The following TEPSIN variants were observed in gnomAD, a reference collection of about 807,000 sequenced individuals.
TEPSIN encodes the protein TEPSIN adaptor related protein complex 4 accessory protein, also known as AP-4 complex accessory subunit tepsin.
Under a neutral mutation model 48.5 loss-of-function variants are expected in TEPSIN, and 50 were observed. The ratio of observed to expected loss-of-function variants is 1.03; its 90% CI spans 0.82 to 1.31. The LOEUF (loss-of-function observed/expected upper bound fraction) is 1.31. Among genes scored for constraint, TEPSIN ranks in the 50% most tolerant of loss-of-function variants. The pLI, the probability that TEPSIN is intolerant of heterozygous loss-of-function variation, is 0.00. For synonymous variants in TEPSIN, 392 were observed against 358.8 expected, an observed-to-expected ratio of 1.09 and a Z score of -1.05; for missense variants, 838 against 815.9, an observed-to-expected ratio of 1.03 and a Z score of -0.33.
In TEPSIN at chr17:81,230,978, C is replaced by T; in HGVS notation, c.1099-300G>A. ...TGTCCTCCCCGGCTCCTGGACAGACCCCAGCGAGAAGCACGTGACCTGCTG... is the reference window on the plus strand; with the variant it reads ...TGTCCTCCCCGGCTCCTGGACAGACTCCAGCGAGAAGCACGTGACCTGCTG... On this transcript the variant is annotated intron_variant, in intron 11 of 12. Coordinates refer to ENST00000637944, the MANE Select transcript of TEPSIN (RefSeq NM_001363764.2). The surrounding 1 kb of genome is among the most constrained non-coding windows in gnomAD (Gnocchi z 4.2). 1 of 503,022 alleles carries T rather than the reference C, an allele frequency of 2.0e-6. No homozygotes were observed. The highest frequency in any genetic ancestry group is 3.5e-6 in the Non-Finnish European group (1 of 283,104). 31.2% of individuals were successfully genotyped at this position (503,022 alleles called of 1,614,324 possible).
At chr17:81,229,869 CTA>C (rs2062552551) in intron 12 of TEPSIN, 1 of 258,106 alleles carries the variant, frequency 3.9e-6, no homozygotes, top group African/African-American at 2.3e-5. Flanking sequence ...AGAAACCCCA[CTA>C]TGAGGTTCGC....
chr17:81,233,520 G>A lies in TEPSIN; in HGVS notation c.455-17C>T, dbSNP rs188402937. On this transcript the variant is annotated splice_polypyrimidine_tract_variant and intron_variant, in intron 6 of 12. Coordinates refer to ENST00000637944, the MANE Select transcript of TEPSIN (RefSeq NM_001363764.2). This position sits in a 1 kb window ranked among gnomAD's most constrained non-coding sequence, Gnocchi z 5.8. ...AGCCCATGCCTGCAGAGGGTCCTCCGTTAGCAGCAAGCCGGCCCCCACCCT... is the reference window on the plus strand; with the variant it reads ...AGCCCATGCCTGCAGAGGGTCCTCCATTAGCAGCAAGCCGGCCCCCACCCT... 1.0e-3 allele frequency: 1,656 copies of A among 1,584,010 alleles called. No homozygotes were observed. Among genetic ancestry groups the A allele is most frequent in the Non-Finnish European group, 1.2e-3 (1,367 of 1,162,756 alleles).
chr17:81,237,260 C>A, intron 2 of TEPSIN, 127 bp downstream of exon 2: 1 of 1,270,702 alleles, frequency 7.9e-7, no homozygotes, highest in East Asian at 2.5e-5. Flanking sequence ...CCCACCCATG[C>A]CTGGTTACAA....
At position 81,228,916 on chromosome 17, in the gene TEPSIN, C is replaced by T; in HGVS notation, c.*12G>A. 6.2e-7 allele frequency: 1 copy of T among 1,612,310 alleles called. No individual in the cohort carries two copies. Among genetic ancestry groups the T allele is most frequent in the Non-Finnish European group, 8.5e-7 (1 of 1,179,968 alleles). On this transcript the variant is annotated 3_prime_UTR_variant, in exon 13 of 13. Transcript: ENST00000637944. ...CAGCTGAAGCTGAAGACTCCAGGGC[C>T]AGGCCATCGGGTCAGGCGTTCAGGA...
chr17:81,234,266 T>G lies in TEPSIN; in HGVS notation c.308-218A>C. 1 of 422,858 alleles carries G rather than the reference T, an allele frequency of 2.4e-6. No individual in the cohort carries two copies. The highest frequency in any genetic ancestry group is 4.2e-6 in the Non-Finnish European group (1 of 239,528). The allele number at this position is 422,858 out of a possible 1,614,324, so 26.2% of individuals were successfully genotyped here. A position where few individuals can be genotyped will look rare whatever the true frequency, so the allele number is the denominator to read the frequency against. The stretch of plus-strand genomic sequence containing the variant: ...CCCATGCCCCACAGAGGCGAGACTC[T>G]CTCCACAGCAACCACCTCGTCTCCC... On this transcript the variant is annotated intron_variant, in intron 4 of 12. Coordinates refer to ENST00000637944, the MANE Select transcript of TEPSIN (RefSeq NM_001363764.2). This position sits in a 1 kb window ranked among gnomAD's most constrained non-coding sequence, Gnocchi z 5.4.
chr17:81,232,534 G>A lies in TEPSIN; in HGVS notation c.527-16C>T. 1.3e-6 allele frequency: 2 copies of A among 1,525,208 alleles called. No homozygotes were observed. Among genetic ancestry groups the A allele is most frequent in the Non-Finnish European group, 1.8e-6 (2 of 1,139,814 alleles). The allele number at this position is 1,525,208 out of a possible 1,614,324, so 94.5% of individuals were successfully genotyped here. A position where few individuals can be genotyped will look rare whatever the true frequency, so the allele number is the denominator to read the frequency against. The stretch of plus-strand genomic sequence containing the variant: ...CCTGCCGAGCCTGTACCCGAGGAGA[G>A]GGAGATGGGACGGCCGCCCAGTGCG... On this transcript the variant is annotated splice_polypyrimidine_tract_variant and intron_variant, in intron 7 of 12. Coordinates refer to ENST00000637944, the MANE Select transcript of TEPSIN (RefSeq NM_001363764.2).
In TEPSIN at chr17:81,233,936, C is replaced by T. The variant is rs1259732366; in HGVS notation, c.375+45G>A. ...TCCTGGCCCCAATCCCACCCCTCTACAGGAGGAGGGGCACCCCGCAGAGCG... is the reference window on the plus strand; with the variant it reads ...TCCTGGCCCCAATCCCACCCCTCTATAGGAGGAGGGGCACCCCGCAGAGCG... On this transcript the variant is annotated intron_variant, in intron 5 of 12. Coordinates refer to ENST00000637944, the MANE Select transcript of TEPSIN (RefSeq NM_001363764.2). This position sits in a 1 kb window ranked among gnomAD's most constrained non-coding sequence, Gnocchi z 5.8. The T allele has an allele frequency of 1.3e-6, 2 of 1,570,974 alleles. No homozygotes were observed. Among genetic ancestry groups the T allele is most frequent in the Non-Finnish European group, 8.6e-7 (1 of 1,164,252 alleles).
chr17:81,232,829 C>T, intron 7 of TEPSIN: 1 of 359,134 alleles, frequency 2.8e-6, no homozygotes, highest in Non-Finnish European at 5.0e-6. Flanking sequence ...GAGGGTGTGT[C>T]CAGGGCTCGG....
At chr17:81,236,644 T>C in intron 4 of TEPSIN, 64 bp downstream of exon 4, 1 of 1,482,950 alleles carries the variant, frequency 6.7e-7, no homozygotes, top group Non-Finnish European at 9.2e-7. Context: ...ACCTGGAGGA[T>C]CCGCCACCCT....
intron 4 of TEPSIN, among the ~76,000 whole-genome samples, chr17:81,235,895 T>C (rs549668772): frequency 1.6e-4 from 25 of 152,282 alleles, no homozygotes; most frequent in African/African-American, 5.8e-4. Flanking sequence ...CCACTTGCCA[T>C]AAAGTGGGAC....
rs1172479195 is a variant in TEPSIN at position 81,230,833 on chromosome 17, C to T, written c.1099-155G>A. The T allele has an allele frequency of 4.2e-6, 4 of 958,956 alleles. No homozygotes were observed. The highest frequency in any genetic ancestry group is 4.4e-6 in the Non-Finnish European group (3 of 676,148). 59.4% of individuals were successfully genotyped at this position (958,956 alleles called of 1,614,324 possible). A position where few individuals can be genotyped will look rare whatever the true frequency, so the allele number is the denominator to read the frequency against. On this transcript the variant is annotated intron_variant, in intron 11 of 12. Transcript: ENST00000637944. This position sits in a 1 kb window ranked among gnomAD's most constrained non-coding sequence, Gnocchi z 4.2. The stretch of plus-strand genomic sequence containing the variant: ...AGCTCCACCACAGCCCTGTCCTCAC[C>T]GCCTTACACCCCGGATCCCAGACAC...
rs765163210 is a variant in TEPSIN, at chr17:81,231,447, A to G, written c.1049T>C (p.Leu350Pro). 27 of 1,568,370 alleles carry G rather than the reference A, an allele frequency of 1.7e-5. No homozygotes were observed. Among genetic ancestry groups the G allele is most frequent in the Non-Finnish European group, 2.2e-5 (26 of 1,156,756 alleles). Residue 350 changes from leucine (L) to proline (P), a missense_variant, in exon 11 of 13, where the codon CTG becomes CCG. Coordinates refer to ENST00000637944, the MANE Select transcript of TEPSIN (RefSeq NM_001363764.2). ...ACGCAGGTGGCAGGTCAGCAGCTGC[A>G]GCACGGCCTCACAGTTGAGCAGTCC... ...ACGLLNCEAV[L>P]QLLTCHLRGT...
In TEPSIN at chr17:81,228,917, A is replaced by G; in HGVS notation, c.*11T>C. On this transcript the variant is annotated 3_prime_UTR_variant, in exon 13 of 13. Coordinates refer to ENST00000637944, the MANE Select transcript of TEPSIN (RefSeq NM_001363764.2). ...AGCTGAAGCTGAAGACTCCAGGGCC[A>G]GGCCATCGGGTCAGGCGTTCAGGAA... The G allele has an allele frequency of 6.2e-7, 1 of 1,612,390 alleles. No homozygotes were observed. Among genetic ancestry groups the G allele is most frequent in the Admixed American group, 1.7e-5 (1 of 60,000 alleles).
intron 4 of TEPSIN, among the ~76,000 whole-genome samples, chr17:81,236,263 G>A (rs2062718415): frequency 6.6e-6 from 1 of 152,230 alleles, no homozygotes; most frequent in South Asian, 2.1e-4. Flanking sequence ...GCCTCACTCT[G>A]TCTTGGGCTC....
rs148015732 is a variant in TEPSIN, at chr17:81,236,353, T to C, written c.307+355A>G. The stretch of plus-strand genomic sequence containing the variant: ...CACTGAGTCTGCTATGTGTGGGCAC[T>C]GGGATGGAGGGGGAAGACCCGTGGG... On this transcript the variant is annotated intron_variant, in intron 4 of 12. Coordinates refer to ENST00000637944, the MANE Select transcript of TEPSIN (RefSeq NM_001363764.2). 4.6e-5 allele frequency among the ~76,000 whole-genome samples: 7 copies of C among 152,230 alleles called. No individual in the cohort carries two copies. The East Asian group carries it at 1.4e-3, about 29-fold the overall frequency.
At position 81,233,667 on chromosome 17, in the gene TEPSIN, G is replaced by C. The variant is rs1232390452; in HGVS notation, c.425C>G (p.Ser142Cys). 1.0e-5 allele frequency: 16 copies of C among 1,601,226 alleles called. No homozygotes were observed. Among genetic ancestry groups the C allele is most frequent in the Non-Finnish European group, 1.4e-5 (16 of 1,176,090 alleles). ...GGCAGGCGGGGTCCCCAGAGGCTGG[G>C]AGGGAGCCAGCGGCAACACGGTGTC... ...FSDTVLPLAPSQPLGTPPATG... is the reference protein window; with the variant it reads ...FSDTVLPLAPCQPLGTPPATG... The change falls in exon 6 of 13, where the codon TCC becomes TGC. Residue 142 changes from serine (S) to cysteine (C), a missense_variant. Ser to Cys is a moderately radical substitution (Grantham distance 112). Transcript: ENST00000637944. The surrounding 1 kb of genome is among the most constrained non-coding windows in gnomAD (Gnocchi z 5.8).
Position 81,236,810 on chromosome 17 carries a change from T to C in TEPSIN, c.214-9A>G, listed in dbSNP as rs2062730155. The C allele has an allele frequency of 1.9e-6, 3 of 1,558,224 alleles. No individual in the cohort carries two copies. The highest frequency in any genetic ancestry group is 1.7e-6 in the Non-Finnish European group (2 of 1,152,186). On this transcript the variant is annotated splice_polypyrimidine_tract_variant and intron_variant, in intron 3 of 12. Coordinates refer to ENST00000637944, the MANE Select transcript of TEPSIN (RefSeq NM_001363764.2). ...AGCAGGATCTTCAGCACCTGGGGAG[T>C]GGGGCGGTCAGCAGTGCTGGGCAGG...
Position 81,232,392 on chromosome 17 carries a change from G to A in TEPSIN, c.653C>T (p.Pro218Leu), listed in dbSNP as rs1230542783. The A allele has an allele frequency of 5.9e-6, 9 of 1,535,840 alleles. No individual in the cohort carries two copies. The highest frequency in any genetic ancestry group is 1.4e-5 in the African/African-American group (1 of 73,168). The change falls in exon 8 of 13, where the codon CCT (proline) becomes CTT (leucine). Residue 218 changes from proline to leucine, a missense_variant. Physicochemically the swap from Pro to Leu is moderately conservative, Grantham distance 98. Coordinates refer to ENST00000637944, the MANE Select transcript of TEPSIN (RefSeq NM_001363764.2). ...GTGGCTGGCTGAAGGCATCATGGCAGGCTGGTAGGTGTCACCCCGCGGCAG... is the reference window on the plus strand; with the variant it reads ...GTGGCTGGCTGAAGGCATCATGGCAAGCTGGTAGGTGTCACCCCGCGGCAG... ...RLLPRGDTYQ[P>L]AMMPSASHGP...
intron 1 of TEPSIN, 131 bp from the exon 2 acceptor site, chr17:81,237,590 G>A (rs1449072872): frequency 3.2e-5 from 30 of 952,098 alleles, no homozygotes; most frequent in Non-Finnish European, 4.1e-5. Context: ...ACTGGGAAGG[G>A]ATGAGAACTG....
Sources: gnomAD v4.1 joint callset for allele counts (sites outside exome capture counted in the v4.1 genomes callset) on GRCh38, gnomAD v4.1.1 for gene constraint, Gnocchi (gnomAD v3.1) non-coding constraint, MANE v1.5 for transcripts, NCBI Gene and HGNC (gene_info 2026-07-23, HGNC 2026-07-21) for gene names.